Variants in UBE2G2 observed in about 807,000 individuals in gnomAD.
UBE2G2 encodes the protein ubiquitin conjugating enzyme E2 G2.
Under a neutral mutation model 23.0 loss-of-function variants are expected in UBE2G2, and 10 were observed. That is an observed-to-expected ratio of 0.43 (90% CI 0.27 to 0.74). The LOEUF is 0.74. Ranked by LOEUF, UBE2G2 falls within the 30% of genes least tolerant of loss-of-function variation. The pLI, the probability that UBE2G2 is intolerant of heterozygous loss-of-function variation, is 0.19. For synonymous variants in UBE2G2, 86 were observed against 81.3 expected, an observed-to-expected ratio of 1.06 and a Z score of -0.31; for missense variants, 150 against 218.3, an observed-to-expected ratio of 0.69 and a Z score of 1.97.
chr21:44,781,575 T>C (rs1032021947), intron 3 of UBE2G2, among the ~76,000 whole-genome samples: 1 of 152,174 alleles, frequency 6.6e-6, no homozygotes, highest in Admixed American at 6.5e-5. Context: ...AATACCCTCG[T>C]AGCAAGAGGA....
chr21:44,780,874 C>T (rs1284089344), intron 3 of UBE2G2, among the ~76,000 whole-genome samples: 1 of 152,208 alleles, frequency 6.6e-6, no homozygotes, highest in Non-Finnish European at 1.5e-5. Flanking sequence ...CTTTGCATTG[C>T]CTTTCTAACA....
intron 5 of UBE2G2, 151 bp downstream of exon 5, chr21:44,773,396 A>T: frequency 9.7e-7 from 1 of 1,027,402 alleles, no homozygotes; most frequent in Non-Finnish European, 1.4e-6. Context: ...CAATTGGAAA[A>T]GTGTAGGCAG....
At chr21:44,801,504 G>C (rs545647379) in intron 1 of UBE2G2, 67 of 1,082,118 alleles carry the variant, frequency 6.2e-5, no homozygotes, top group Non-Finnish European at 8.1e-5. Flanking sequence ...CTGATGCTGG[G>C]AAGGCTTCTC....
At chr21:44,799,106 G>A (rs1186745182) in intron 1 of UBE2G2, among the ~76,000 whole-genome samples, 3 of 152,170 alleles carry the variant, frequency 2.0e-5, no homozygotes, top group Non-Finnish European at 4.4e-5. Context: ...GGTCTCAACA[G>A]TGGGCTTATA....
At chr21:44,794,862 A>G (rs1397322790) in intron 1 of UBE2G2, among the ~76,000 whole-genome samples, 1 of 152,196 alleles carries the variant, frequency 6.6e-6, no homozygotes, top group Non-Finnish European at 1.5e-5. Flanking sequence ...AAATCAACAC[A>G]ATTTTGAAAG....
At chr21:44,801,616 GC>G in intron 1 of UBE2G2, 89 bp downstream of exon 1, 1 of 1,417,268 alleles carries the variant, frequency 7.1e-7, no homozygotes, top group East Asian at 3.0e-5. Context: ...CGGCTCCCCC[GC>G]CAGGCTCCCT....
Position 44,772,121 on chromosome 21 carries a change from T to C in UBE2G2, c.386-632A>G, listed in dbSNP as rs537685905. Among the ~76,000 whole-genome samples the C allele has an allele frequency of 9.8e-5, 15 of 152,308 alleles. No homozygotes were observed. The Middle Eastern group carries it at 0.01, about 104-fold the overall frequency. On this transcript the variant is annotated intron_variant, in intron 5 of 5. Transcript: ENST00000345496. The surrounding 1 kb of genome is among the most constrained non-coding windows in gnomAD (Gnocchi z 5.4). ...GAGACCACCAGAACTGGATGACATG[T>C]GCTGAGGCAGCAGCTGTGCAGTGCG...
chr21:44,775,540 C>T (rs1400910002), intron 4 of UBE2G2: 2 of 152,092 alleles, frequency 1.3e-5, no homozygotes, highest in South Asian at 4.1e-4. Context: ...AATCCAATTA[C>T]AGTAAGGCAA....
At chr21:44,776,471 A>G (rs1272446172) in intron 4 of UBE2G2, among the ~76,000 whole-genome samples, 1 of 152,202 alleles carries the variant, frequency 6.6e-6, no homozygotes, top group Non-Finnish European at 1.5e-5. Context: ...TTCCCAGTCA[A>G]TATAACACAA....
At chr21:44,795,280 A>G (rs2083077789) in intron 1 of UBE2G2, among the ~76,000 whole-genome samples, 1 of 152,070 alleles carries the variant, frequency 6.6e-6, no homozygotes, top group Admixed American at 6.6e-5. Flanking sequence ...ATAAAAAAAA[A>G]TAAATAAATA....
intron 3 of UBE2G2, among the ~76,000 whole-genome samples, chr21:44,784,246 G>A (rs1555961678): frequency 2.6e-5 from 4 of 151,762 alleles, no homozygotes; most frequent in Admixed American, 6.6e-5. Flanking sequence ...AAGGAAGGAC[G>A]GACAGACGGT....
At position 44,801,749 on chromosome 21, in the gene UBE2G2, G is replaced by A. The variant is rs1272929399; in HGVS notation, c.-1C>T. On this transcript the variant is annotated 5_prime_UTR_variant, in exon 1 of 6. Transcript: ENST00000345496. ...GCCTCTTGAGCGCGGTCCCCGCCATGGCCCCGCAACAGCTGCGCCGAGCGA... is the reference window on the plus strand; with the variant it reads ...GCCTCTTGAGCGCGGTCCCCGCCATAGCCCCGCAACAGCTGCGCCGAGCGA... 3.3e-6 allele frequency: 5 copies of A among 1,519,990 alleles called. No individual in the cohort carries two copies. In the South Asian group the frequency reaches 6.2e-5, roughly 19 times the overall value. The allele number at this position is 1,519,990 out of a possible 1,614,324, so 94.2% of individuals were successfully genotyped here. A position where few individuals can be genotyped will look rare whatever the true frequency, so the allele number is the denominator to read the frequency against.
In UBE2G2 at chr21:44,787,967, T is replaced by A; in HGVS notation, c.80-2A>T. The A allele has an allele frequency of 6.2e-7, 1 of 1,613,330 alleles. No individual in the cohort carries two copies. Among genetic ancestry groups the A allele is most frequent in the South Asian group, 1.1e-5 (1 of 90,840 alleles). On this transcript the variant is annotated splice_acceptor_variant, in intron 2 of 5. Coordinates refer to ENST00000345496, the MANE Select transcript of UBE2G2 (RefSeq NM_003343.6). LOFTEE classifies it high-confidence loss of function. Reference sequence around the variant, plus strand: ...AAAAGTTCTCTTCATTCATGGGGCCTGTAGGGTGAGAAAAAATTTCACAAC... The same window carrying A: ...AAAAGTTCTCTTCATTCATGGGGCCAGTAGGGTGAGAAAAAATTTCACAAC...
At chr21:44,777,151 T>C (rs1452204866) in intron 4 of UBE2G2, 148 bp downstream of exon 4, 2 of 684,126 alleles carry the variant, frequency 2.9e-6, no homozygotes, top group Non-Finnish European at 4.9e-6. Flanking sequence ...AATACCACCA[T>C]GCTTACTTGG....
At chr21:44,777,021 C>T in intron 4 of UBE2G2, 1 of 361,644 alleles carries the variant, frequency 2.8e-6, no homozygotes, top group Non-Finnish European at 5.0e-6. Flanking sequence ...GAGCACACAC[C>T]CATGTGTAAA....
intron 1 of UBE2G2, 45 bp downstream of exon 1, chr21:44,801,661 G>A (rs1235722029): frequency 2.0e-6 from 3 of 1,501,414 alleles, no homozygotes; most frequent in Non-Finnish European, 2.7e-6. Context: ...GGGCCCGGGA[G>A]CAGGAACGCG....
intron 1 of UBE2G2, among the ~76,000 whole-genome samples, chr21:44,795,758 A>C (rs529790504): frequency 0.035 from 2,076 of 58,520 alleles, 120 homozygotes; most frequent in East Asian, 0.2. Context: ...CTAGAGGAAA[A>C]CTGGCCGTTT....
At chr21:44,794,833 A>G (rs1555963453) in intron 1 of UBE2G2, among the ~76,000 whole-genome samples, 1 of 152,160 alleles carries the variant, frequency 6.6e-6, no homozygotes, top group Non-Finnish European at 1.5e-5. Flanking sequence ...GCGCCCAGCC[A>G]AAGAACTAAA....
intron 3 of UBE2G2, among the ~76,000 whole-genome samples, chr21:44,784,359 A>C (rs948320580): frequency 1.3e-5 from 2 of 152,136 alleles, no homozygotes; most frequent in Non-Finnish European, 2.9e-5. Context: ...GCTACATGGC[A>C]TTACTCTATA....
Sources: gnomAD v4.1 joint callset for allele counts (sites outside exome capture counted in the v4.1 genomes callset) on GRCh38, gnomAD v4.1.1 for gene constraint, Gnocchi (gnomAD v3.1) non-coding constraint, MANE v1.5 for transcripts, NCBI Gene and HGNC (gene_info 2026-07-23, HGNC 2026-07-21) for gene names.